PTK2B: variants seen among roughly 807,000 people sequenced by gnomAD.
PTK2B encodes the protein protein-tyrosine kinase 2-beta.
A neutral mutation model predicts 142.9 loss-of-function variants in PTK2B; 71 were observed. The ratio of observed to expected loss-of-function variants is 0.50; its 90% confidence interval spans 0.41 to 0.61. PTK2B has a LOEUF of 0.61. Among genes scored for constraint, PTK2B ranks in the 20% least tolerant of loss-of-function variants. The pLI is 0.00. For missense variants in PTK2B, 1,105 were observed against 1,320.4 expected, an observed-to-expected ratio of 0.84 and a Z score of 2.53; for synonymous variants, 519 against 503.4, an observed-to-expected ratio of 1.03 and a Z score of -0.42.
chr8:27,392,607 T>C (rs1396593090), intron 1 of PTK2B, among the ~76,000 whole-genome samples: 1 of 151,860 alleles, frequency 6.6e-6, no homozygotes, highest in African/African-American at 2.4e-5. Flanking sequence ...AGTCAGAAAA[T>C]GAGCTGGGAG....
intron 3 of PTK2B, among the ~76,000 whole-genome samples, chr8:27,315,195 C>G (rs1351822879): frequency 1.3e-5 from 2 of 152,196 alleles, no homozygotes; most frequent in South Asian, 4.1e-4. Flanking sequence ...GTTCATGGTT[C>G]TCCTGCAATT....
chr8:27,458,443 G>A lies in PTK2B; in HGVS notation c.2964G>A (p.Lys988=), dbSNP rs1186869249. 9 of 1,607,434 alleles carry A rather than the reference G, an allele frequency of 5.6e-6. No individual in the cohort carries two copies. Among genetic ancestry groups the A allele is most frequent in the Non-Finnish European group, 7.6e-6 (9 of 1,176,918 alleles). Residue 988 remains lysine (K), a synonymous_variant, in exon 31 of 31, where the codon AAG becomes AAA. Coordinates refer to ENST00000346049, the MANE Select transcript of PTK2B (RefSeq NM_173176.3). ...TASHTLAVDA[K]NLLDAVDQAK... is the part of the protein sequence containing the mutation. ...CACACACCCTGGCTGTGGACGCCAA[G>A]AACCTGCTCGACGCTGTGGACCAGG...
chr8:27,456,242 C>T (rs1812132055), intron 30 of PTK2B, among the ~76,000 whole-genome samples: 1 of 152,182 alleles, frequency 6.6e-6, no homozygotes, highest in Non-Finnish European at 1.5e-5. Context: ...ACAAATTGAA[C>T]ATTTGTGGCA....
intron 1 of PTK2B, among the ~76,000 whole-genome samples, chr8:27,359,040 C>G (rs1805544842): frequency 6.6e-6 from 1 of 152,050 alleles, no homozygotes. Context: ...TCAACATCTC[C>G]CCTCCCCATT....
At chr8:27,416,804 A>G (rs1461011703) in intron 2 of PTK2B, among the ~76,000 whole-genome samples, 1 of 152,236 alleles carries the variant, frequency 6.6e-6, no homozygotes, top group East Asian at 1.9e-4. Flanking sequence ...AAAGATTCAA[A>G]CAACCACTTT....
At chr8:27,335,639 C>T (rs1320688491) in intron 1 of PTK2B, among the ~76,000 whole-genome samples, 1 of 151,654 alleles carries the variant, frequency 6.6e-6, no homozygotes, top group Non-Finnish European at 1.5e-5. Flanking sequence ...GCTTTCTGCA[C>T]CCAACACTGA....
intron 15 of PTK2B, 91 bp downstream of exon 15, chr8:27,436,439 C>A (rs2132140987): frequency 7.8e-7 from 1 of 1,285,062 alleles, no homozygotes; most frequent in Non-Finnish European, 1.1e-6. Flanking sequence ...GTTGGCACAG[C>A]CTTCATCCAC....
chr8:27,407,448 T>G (rs906053673), intron 2 of PTK2B, among the ~76,000 whole-genome samples: 2 of 152,208 alleles, frequency 1.3e-5, no homozygotes, highest in African/African-American at 4.8e-5. Flanking sequence ...TCAGCCGTGG[T>G]CATGACCTGA....
chr8:27,458,412 C>A lies in PTK2B; in HGVS notation c.2933C>A (p.Thr978Lys). 1 of 1,612,610 alleles carries A rather than the reference C, an allele frequency of 6.2e-7. No individual in the cohort carries two copies. Residue 978 changes from threonine (T) to lysine (K), a missense_variant, in exon 31 of 31, where the codon ACG becomes AAG. Transcript: ENST00000346049. ...GAGGAGTGCAAGAGGCAGATGCTGA[C>A]GGCTTCACACACCCTGGCTGTGGAC... ...LSEECKRQML[T>K]ASHTLAVDAK...
chr8:27,446,809 T>G (rs1484735280), intron 24 of PTK2B, among the ~76,000 whole-genome samples: 1 of 152,262 alleles, frequency 6.6e-6, no homozygotes, highest in Non-Finnish European at 1.5e-5. Context: ...ATTACTTTCA[T>G]GCCATTATGC....
intron 5 of PTK2B, 56 bp downstream of exon 5, chr8:27,422,439 C>T: frequency 7.0e-7 from 1 of 1,422,054 alleles, no homozygotes; most frequent in South Asian, 1.4e-5. Flanking sequence ...CTGGGCAGGC[C>T]CGACCTTTCC....
intron 2 of PTK2B, among the ~76,000 whole-genome samples, chr8:27,398,422 A>G (rs1808194127): frequency 6.6e-6 from 1 of 152,244 alleles, no homozygotes; most frequent in Admixed American, 6.5e-5. Context: ...AACCAAATGT[A>G]TATGAGATTG....
chr8:27,311,576 A>C, exon 1 of PTK2B: 2 of 346,580 alleles, frequency 5.8e-6, no homozygotes, highest in Non-Finnish European at 1.0e-5. Flanking sequence ...TGTTACTGGA[A>C]ACCTACTTCC....
chr8:27,401,602 G>GGC (rs1808389603), intron 2 of PTK2B, among the ~76,000 whole-genome samples: 1 of 152,212 alleles, frequency 6.6e-6, no homozygotes, highest in Admixed American at 6.5e-5. Flanking sequence ...GAAGTGGGAA[G>GGC]GCACATAGCG....
At chr8:27,396,365 G>A (rs1303580897) in intron 1 of PTK2B, 1 of 152,122 alleles carries the variant, frequency 6.6e-6, no homozygotes, top group Non-Finnish European at 1.5e-5. Flanking sequence ...CCCAACTCCT[G>A]GTCAAGGAAT....
intron 10 of PTK2B, among the ~76,000 whole-genome samples, chr8:27,432,712 T>C (rs1213872271): frequency 2.0e-5 from 3 of 151,966 alleles, no homozygotes; most frequent in African/African-American, 7.3e-5. Flanking sequence ...ATGGGTTTTT[T>C]TGTTTGTTTG....
chr8:27,445,949 C>A, intron 24 of PTK2B, 30 bp downstream of exon 24: 1 of 1,611,236 alleles, frequency 6.2e-7, no homozygotes, highest in East Asian at 2.2e-5. Flanking sequence ...TGGTCCCTGC[C>A]CGGACTGAGG....
chr8:27,442,510 G>A (rs1040405116), intron 21 of PTK2B, among the ~76,000 whole-genome samples: 3 of 152,216 alleles, frequency 2.0e-5, no homozygotes, highest in African/African-American at 7.2e-5. Context: ...AAGTTGGCTG[G>A]GACTTTGGAA....
intron 2 of PTK2B, among the ~76,000 whole-genome samples, chr8:27,402,328 T>A (rs1808432434): frequency 1.3e-5 from 2 of 152,150 alleles, no homozygotes. Flanking sequence ...AGAAATCCAC[T>A]GCAGAGTGGG....
Sources: gnomAD v4.1 joint callset for allele counts (sites outside exome capture counted in the v4.1 genomes callset) on GRCh38, gnomAD v4.1.1 for gene constraint, MANE v1.5 for transcripts, NCBI Gene and HGNC (gene_info 2026-07-23, HGNC 2026-07-21) for gene names.